PRDM10: variants seen among roughly 807,000 people sequenced by gnomAD.
The protein encoded by PRDM10 is PR/SET domain 10.
In PRDM10, 65 loss-of-function variants were observed where a neutral mutation model predicts 133.1. That is an observed-to-expected ratio of 0.49 (90% CI 0.40 to 0.60). The LOEUF is 0.60. Among genes scored for constraint, PRDM10 ranks in the 20% least tolerant of loss-of-function variants. The pLI, the probability that PRDM10 is intolerant of heterozygous loss-of-function variation, is 0.00. For missense variants in PRDM10, 1,137 were observed against 1,507.1 expected (o/e 0.75, Z 4.07); for synonymous variants, 582 against 580.4 (o/e 1.00, Z -0.04).
chr11:129,955,465 T>G, intron 4 of PRDM10, 47 bp downstream of exon 4: 2 of 1,577,374 alleles, frequency 1.3e-6, no homozygotes. Context: ...CCAGGCGCAG[T>G]GGCATTCACA....
Position 129,923,784 on chromosome 11 carries a change from A to C in PRDM10, c.1879-381T>G, listed in dbSNP as rs1447935287. On this transcript the variant is annotated intron_variant, in intron 12 of 20. Transcript: ENST00000360871. This position sits in a 1 kb window ranked among gnomAD's most constrained non-coding sequence, Gnocchi z 4.4. Reference sequence around the variant, plus strand: ...CTTTGGGTTTAAATGAAATCTTGCTAAAAAGGATCTATAGGAAGACAAAAA... The same window carrying C: ...CTTTGGGTTTAAATGAAATCTTGCTCAAAAGGATCTATAGGAAGACAAAAA... 6.6e-6 allele frequency among the ~76,000 whole-genome samples: 1 copy of C among 152,190 alleles called. No individual in the cohort carries two copies. The highest frequency in any genetic ancestry group is 2.4e-5 in the African/African-American group (1 of 41,450).
At chr11:129,908,100 T>C (rs1018825765) in intron 19 of PRDM10, among the ~76,000 whole-genome samples, 3 of 152,110 alleles carry the variant, frequency 2.0e-5, no homozygotes, top group Non-Finnish European at 1.5e-5. Flanking sequence ...CCCTCTCTCT[T>C]AAAAAATAAA....
Position 129,901,322 on chromosome 11 carries a change from A to G in PRDM10, c.*991T>C, listed in dbSNP as rs1949838405. 1 of 152,690 alleles carries G rather than the reference A, an allele frequency of 6.5e-6. No individual in the cohort carries two copies. Among genetic ancestry groups the G allele is most frequent in the Non-Finnish European group, 1.5e-5 (1 of 68,046 alleles). The allele number at this position is 152,690 out of a possible 1,614,324, so 9.5% of individuals were successfully genotyped here. A position where few individuals can be genotyped will look rare whatever the true frequency, so the allele number is the denominator to read the frequency against. On this transcript the variant is annotated 3_prime_UTR_variant, in exon 21 of 21. Transcript: ENST00000360871. ...CTTTAAAGAATGTTCATTTTAAGAC[A>G]GCATTAAAAGTAATAAAATACACTG... is the stretch of plus-strand genomic sequence containing the variant.
Position 129,947,440 on chromosome 11 carries a change from G to T in PRDM10, c.295-70C>A. ...GCTTTTGGTTCGCTGGTGCCTGCTG[G>T]CACAAACAGGGCGCAAGGGCTGGCT... On this transcript the variant is annotated intron_variant, in intron 4 of 20. Coordinates refer to ENST00000360871, the MANE Select transcript of PRDM10 (RefSeq NM_199437.2). This position sits in a 1 kb window ranked among gnomAD's most constrained non-coding sequence, Gnocchi z 4.6. 1.2e-6 allele frequency: 2 copies of T among 1,600,242 alleles called. No homozygotes were observed. The highest frequency in any genetic ancestry group is 1.7e-6 in the Non-Finnish European group (2 of 1,169,680).
intron 1 of PRDM10, among the ~76,000 whole-genome samples, chr11:129,995,419 T>C (rs1938997963): frequency 6.6e-6 from 1 of 152,180 alleles, no homozygotes; most frequent in Admixed American, 6.5e-5. Context: ...TGTTGAAGAC[T>C]AAACGTAAAC....
chr11:129,946,271 AAAAC>A (rs375962574), intron 5 of PRDM10, among the ~76,000 whole-genome samples: 5 of 152,210 alleles, frequency 3.3e-5, no homozygotes, highest in African/African-American at 1.2e-4. Flanking sequence ...AAAAAAAACA[AAAAC>A]AAACAAAAAG....
intron 7 of PRDM10, 82 bp downstream of exon 7, chr11:129,942,344 A>C (rs1951237207): frequency 4.1e-5 from 59 of 1,451,666 alleles, no homozygotes; most frequent in Non-Finnish European, 5.4e-5. Flanking sequence ...AAACAAACCC[A>C]CTTTAGGAAA....
chr11:129,908,920 G>A (rs1950096590), intron 19 of PRDM10, among the ~76,000 whole-genome samples: 1 of 151,726 alleles, frequency 6.6e-6, no homozygotes, highest in Non-Finnish European at 1.5e-5. Context: ...AATAGAGATG[G>A]GGTTTCACCA....
chr11:129,948,904 G>T (rs1951505090), intron 4 of PRDM10, among the ~76,000 whole-genome samples: 1 of 152,156 alleles, frequency 6.6e-6, no homozygotes, highest in Non-Finnish European at 1.5e-5. Context: ...AAATATCTAA[G>T]TCCTCTTTTC....
intron 19 of PRDM10, among the ~76,000 whole-genome samples, chr11:129,907,110 T>C (rs751924074): frequency 4.6e-5 from 7 of 151,978 alleles, no homozygotes; most frequent in Non-Finnish European, 7.4e-5. Context: ...GTGCTCTTGA[T>C]AGAAGTACAC....
At chr11:129,934,102 A>G (rs1459248311) in intron 9 of PRDM10, among the ~76,000 whole-genome samples, 1 of 152,104 alleles carries the variant, frequency 6.6e-6, no homozygotes, top group Non-Finnish European at 1.5e-5. Context: ...TTCCCATCCC[A>G]TGGCTGCTCT....
chr11:129,960,969 T>C lies in PRDM10; in HGVS notation c.-5A>G. ...GCTTTCATCTTTGGAATCCATCTTC[T>C]CCCAACTGGACAGCTCCACGTCTGG... On this transcript the variant is annotated 5_prime_UTR_variant, in exon 2 of 21. Transcript: ENST00000360871. The C allele has an allele frequency of 6.2e-7, 1 of 1,613,966 alleles. No individual in the cohort carries two copies. Among genetic ancestry groups the C allele is most frequent in the East Asian group, 2.2e-5 (1 of 44,876 alleles).
intron 1 of PRDM10, among the ~76,000 whole-genome samples, chr11:129,993,411 A>G (rs1412213579): frequency 6.6e-6 from 1 of 152,136 alleles, no homozygotes; most frequent in Admixed American, 6.6e-5. Context: ...GTGTCTGGCT[A>G]TGCATAATAC....
At chr11:129,985,279 G>C (rs1167951261) in intron 1 of PRDM10, among the ~76,000 whole-genome samples, 2 of 152,070 alleles carry the variant, frequency 1.3e-5, no homozygotes, top group East Asian at 3.9e-4. Flanking sequence ...GTGTGTGTGT[G>C]TACATACATA....
chr11:129,905,147 A>AG (rs1318662514), intron 20 of PRDM10, among the ~76,000 whole-genome samples: 5 of 152,082 alleles, frequency 3.3e-5, no homozygotes, highest in African/African-American at 1.2e-4. Flanking sequence ...GCGGATCATG[A>AG]GGTCAGGAGA....
At chr11:129,940,438 G>C (rs937872750) in intron 7 of PRDM10, among the ~76,000 whole-genome samples, 1 of 152,064 alleles carries the variant, frequency 6.6e-6, no homozygotes, top group Non-Finnish European at 1.5e-5. Flanking sequence ...TTCTACAATT[G>C]ACATTCCTAT....
chr11:129,934,882 T>C (rs1400301322), intron 9 of PRDM10, among the ~76,000 whole-genome samples: 1 of 152,254 alleles, frequency 6.6e-6, no homozygotes, highest in African/African-American at 2.4e-5. Context: ...GGTGAAAGCA[T>C]CTCCCATTGC....
intron 11 of PRDM10, among the ~76,000 whole-genome samples, chr11:129,929,637 C>A (rs1254953412): frequency 2.0e-5 from 3 of 152,004 alleles, no homozygotes; most frequent in Admixed American, 2.0e-4. Context: ...ACACAAGGAA[C>A]CTTGCACCAA....
intron 6 of PRDM10, 108 bp downstream of exon 6, chr11:129,944,663 C>G (rs1358585520): frequency 7.0e-7 from 1 of 1,434,386 alleles, no homozygotes; most frequent in Admixed American, 2.3e-5. Flanking sequence ...AAGAAGAATA[C>G]TAGCAAACAA....
Sources: gnomAD v4.1 joint callset for allele counts (sites outside exome capture counted in the v4.1 genomes callset) on GRCh38, gnomAD v4.1.1 for gene constraint, Gnocchi (gnomAD v3.1) non-coding constraint, MANE v1.5 for transcripts, NCBI Gene and HGNC (gene_info 2026-07-23, HGNC 2026-07-21) for gene names.